The following TRMT1L variants were observed in gnomAD, a reference collection of about 807,000 sequenced individuals.
TRMT1L encodes tRNA (guanine(27)-N(2))-dimethyltransferase.
TRMT1L carries 28 observed loss-of-function variants against 81.6 expected under a neutral mutation model. The observed-to-expected ratio is 0.34, with a 90% confidence interval of 0.25 to 0.47. The LOEUF is 0.47. TRMT1L is among the 20% of genes least tolerant of loss of function. TRMT1L has a pLI of 1.00. For synonymous variants in TRMT1L, 301 were observed against 303.2 expected, an observed-to-expected ratio of 0.99 and a Z score of 0.07; for missense variants, 739 against 877.1, an observed-to-expected ratio of 0.84 and a Z score of 1.99.
intron 13 of TRMT1L, 75 bp downstream of exon 13, chr1:185,123,779 CTCT>C: frequency 1.2e-6 from 1 of 837,152 alleles, no homozygotes; most frequent in Admixed American, 3.7e-5. Context: ...CCATGGCAAT[CTCT>C]TCTCTTCCTA....
intron 13 of TRMT1L, among the ~76,000 whole-genome samples, chr1:185,121,466 G>A (rs1366642141): frequency 2.6e-5 from 4 of 151,164 alleles, no homozygotes; most frequent in Admixed American, 1.3e-4. Flanking sequence ...GTATTGAAAA[G>A]GCAAAGTTGA....
rs988380011 is a variant in TRMT1L, at chr1:185,118,350, G to A, written c.*1669C>T. ...AAATTAATATACACATATATTTTAG[G>A]TAACAGTAATTTACAGGTTTCTTTA... On this transcript the variant is annotated 3_prime_UTR_variant, in exon 15 of 15. Coordinates refer to ENST00000367506, the MANE Select transcript of TRMT1L (RefSeq NM_030934.5). 3 of 151,824 alleles carry A rather than the reference G, an allele frequency of 2.0e-5. No homozygotes were observed. The highest frequency in any genetic ancestry group is 4.4e-5 in the Non-Finnish European group (3 of 67,960). 9.4% of individuals were successfully genotyped at this position (151,824 alleles called of 1,614,324 possible).
At chr1:185,121,745 A>G (rs79721247) in intron 13 of TRMT1L, among the ~76,000 whole-genome samples, 1 of 147,866 alleles carries the variant, frequency 6.8e-6, no homozygotes, top group Admixed American at 6.8e-5. Context: ...CAGTATATAG[A>G]TTTTTTTTTT....
chr1:185,136,919 G>A (rs1395763330), intron 10 of TRMT1L, among the ~76,000 whole-genome samples: 3 of 152,092 alleles, frequency 2.0e-5, no homozygotes, highest in South Asian at 2.1e-4. Flanking sequence ...GAATAGGAAA[G>A]CTCTTTCTAA....
At chr1:185,123,834 T>G in intron 13 of TRMT1L, 23 bp downstream of exon 13, 1 of 1,445,856 alleles carries the variant, frequency 6.9e-7, no homozygotes, top group Non-Finnish European at 9.2e-7. Flanking sequence ...TGTACATATG[T>G]ACACACATAT....
Position 185,127,863 on chromosome 1 carries a change from T to C in TRMT1L, c.1592+806A>G, listed in dbSNP as rs548763418. Among the ~76,000 whole-genome samples, 3 of 151,170 alleles carry C rather than the reference T, an allele frequency of 2.0e-5. No homozygotes were observed. The East Asian group carries it at 5.9e-4, about 30-fold the overall frequency. On this transcript the variant is annotated intron_variant, in intron 11 of 14. Coordinates refer to ENST00000367506, the MANE Select transcript of TRMT1L (RefSeq NM_030934.5). ...GCGCAGTGGCTCACACCTGTAATCC[T>C]AGTACTTTGGGAGGCTGAGCCAGGC...
chr1:185,152,616 A>G (rs1277580335), intron 1 of TRMT1L, among the ~76,000 whole-genome samples: 1 of 152,198 alleles, frequency 6.6e-6, no homozygotes, highest in East Asian at 1.9e-4. Context: ...AATACCAAAG[A>G]TCAGTAACAG....
intron 4 of TRMT1L, 95 bp from the exon 5 acceptor site, chr1:185,145,663 A>T (rs1424101278): frequency 1.6e-6 from 2 of 1,229,390 alleles, no homozygotes; most frequent in Admixed American, 2.0e-5. Context: ...CTTGGATTTA[A>T]TGGTATAGAA....
At chr1:185,146,274 C>T (rs1172263736) in intron 4 of TRMT1L, among the ~76,000 whole-genome samples, 1 of 152,006 alleles carries the variant, frequency 6.6e-6, no homozygotes, top group African/African-American at 2.4e-5. Context: ...CAGTACCCCA[C>T]TGAATGTTAG....
At chr1:185,131,792 G>A (rs1652777625) in intron 10 of TRMT1L, among the ~76,000 whole-genome samples, 1 of 152,130 alleles carries the variant, frequency 6.6e-6, no homozygotes, top group Admixed American at 6.5e-5. Context: ...ACTAAACAGA[G>A]TTCCTGAAAG....
At chr1:185,123,546 T>C (rs1652548183) in intron 13 of TRMT1L, among the ~76,000 whole-genome samples, 1 of 152,056 alleles carries the variant, frequency 6.6e-6, no homozygotes, top group South Asian at 2.1e-4. Context: ...TAGAATAAAA[T>C]TTTATCTTAA....
At chr1:185,122,674 TAA>T (rs1054753187) in intron 13 of TRMT1L, among the ~76,000 whole-genome samples, 1 of 150,062 alleles carries the variant, frequency 6.7e-6, no homozygotes, top group African/African-American at 2.5e-5. Context: ...ATAATACTCT[TAA>T]ATCTAATTTT....
At position 185,144,018 on chromosome 1, in the gene TRMT1L, T is replaced by C. The variant is rs1214654475; in HGVS notation, c.667A>G (p.Lys223Glu). Residue 223 changes from lysine (K) to glutamate (E), a missense_variant, in exon 6 of 15, where the codon AAA (lysine) becomes GAA (glutamate). Physicochemically the swap from Lys to Glu is moderately conservative, Grantham distance 56 (BLOSUM62 1). Around this residue, in one of 4 missense-constraint regions of TRMT1L, gnomAD observed 331 missense variants for 462.2 expected, o/e 0.72. Coordinates refer to ENST00000367506, the MANE Select transcript of TRMT1L (RefSeq NM_030934.5). ...TCTTTCAAAATTTCCTTAGGTGGTT[T>C]AGCAGTGGAAGCTAAGATGGAAAAA... ...KSSYIAASTA[K>E]PPKEILKEAD... The C allele has an allele frequency of 1.3e-6, 2 of 1,596,968 alleles. No individual in the cohort carries two copies. The highest frequency in any genetic ancestry group is 1.7e-6 in the Non-Finnish European group (2 of 1,171,232).
At chr1:185,144,784 T>C (rs1317480992) in intron 5 of TRMT1L, among the ~76,000 whole-genome samples, 3 of 151,586 alleles carry the variant, frequency 2.0e-5, no homozygotes, top group Non-Finnish European at 3.0e-5. Context: ...TAACTTTCCC[T>C]AGCACTGTGT....
intron 10 of TRMT1L, among the ~76,000 whole-genome samples, chr1:185,134,029 C>G (rs1467760121): frequency 6.6e-6 from 1 of 152,064 alleles, no homozygotes; most frequent in Non-Finnish European, 1.5e-5. Context: ...GCCAAATACT[C>G]TTTTTCCATG....
At chr1:185,142,600 G>GA (rs2102248421) in intron 7 of TRMT1L, among the ~76,000 whole-genome samples, 1 of 148,968 alleles carries the variant, frequency 6.7e-6, no homozygotes, top group East Asian at 2.0e-4. Flanking sequence ...CAAAAAAAGA[G>GA]ACACAACCAG....
intron 10 of TRMT1L, among the ~76,000 whole-genome samples, chr1:185,134,408 A>G (rs892919567): frequency 2.0e-5 from 3 of 152,148 alleles, no homozygotes; most frequent in African/African-American, 7.2e-5. Flanking sequence ...GCCAGTTTCG[A>G]ACTCCTGACC....
chr1:185,141,612 G>C (rs1161764249), intron 7 of TRMT1L, among the ~76,000 whole-genome samples: 1 of 152,176 alleles, frequency 6.6e-6, no homozygotes, highest in Non-Finnish European at 1.5e-5. Flanking sequence ...GTTGAGGCAA[G>C]AGAATTGCTT....
At chr1:185,155,021 CTAAAAA>C (rs1168692187) in intron 1 of TRMT1L, among the ~76,000 whole-genome samples, 5 of 152,194 alleles carry the variant, frequency 3.3e-5, no homozygotes, top group African/African-American at 1.2e-4. Context: ...ACTAGATCAA[CTAAAAA>C]TAATGTTTAA....
Sources: allele counts gnomAD v4.1 joint callset (sites outside exome capture counted in the v4.1 genomes callset), GRCh38; gene constraint gnomAD v4.1.1; regional missense constraint gnomAD v4.1.1; transcripts MANE v1.5; gene names NCBI Gene and HGNC (gene_info 2026-07-23, HGNC 2026-07-21).